The following CDC42BPA variants were observed in gnomAD, a reference collection of about 807,000 sequenced individuals.
The protein encoded by CDC42BPA is serine/threonine-protein kinase MRCK alpha.
A neutral mutation model predicts 223.5 loss-of-function variants in CDC42BPA; 80 were observed. That is an observed-to-expected ratio of 0.36 (90% CI 0.30 to 0.43). The LOEUF is 0.43. CDC42BPA is among the 20% of genes least tolerant of loss of function. CDC42BPA has a pLI of 1.00. For missense variants in CDC42BPA, 1,743 were observed against 2,099.9 expected, an observed-to-expected ratio of 0.83 and a Z score of 3.32; for synonymous variants, 694 against 718.6, an observed-to-expected ratio of 0.97 and a Z score of 0.55.
chr1:227,213,096 T>G, intron 3 of CDC42BPA, 40 bp downstream of exon 3: 1 of 978,576 alleles, frequency 1.0e-6, no homozygotes. Flanking sequence ...TGAAAAATAT[T>G]TCTAAAATAT....
intron 1 of CDC42BPA, among the ~76,000 whole-genome samples, chr1:227,313,736 CTTAA>C (rs1693908966): frequency 1.3e-5 from 2 of 149,272 alleles, no homozygotes; most frequent in African/African-American, 5.0e-5. Flanking sequence ...CAACACCTCA[CTTAA>C]TTAACACTCG....
intron 14 of CDC42BPA, among the ~76,000 whole-genome samples, chr1:227,109,356 A>G (rs777012749): frequency 1.3e-5 from 2 of 151,632 alleles, no homozygotes; most frequent in Non-Finnish European, 2.9e-5. Context: ...CACATTGTAC[A>G]GATGTACAAA....
intron 31 of CDC42BPA, among the ~76,000 whole-genome samples, chr1:227,024,469 A>C (rs1667896724): frequency 6.6e-6 from 1 of 152,178 alleles, no homozygotes; most frequent in African/African-American, 2.4e-5. Context: ...ATATGACTCA[A>C]ACTCCTGAAA....
chr1:227,184,206 C>A (rs1285923786), intron 5 of CDC42BPA, among the ~76,000 whole-genome samples: 4 of 151,962 alleles, frequency 2.6e-5, no homozygotes, highest in African/African-American at 9.6e-5. Flanking sequence ...TAATGAAGTC[C>A]CATTTATTCA....
At chr1:227,315,409 T>C (rs1694211610) in intron 1 of CDC42BPA, among the ~76,000 whole-genome samples, 1 of 152,088 alleles carries the variant, frequency 6.6e-6, no homozygotes, top group African/African-American at 2.4e-5. Context: ...TTTCTCTTTA[T>C]CATAAATCAT....
intron 1 of CDC42BPA, among the ~76,000 whole-genome samples, chr1:227,315,432 TTAC>T (rs1401372152): frequency 1.3e-5 from 2 of 152,022 alleles, no homozygotes; most frequent in East Asian, 3.8e-4. Context: ...AAAATTATAT[TTAC>T]TACTGGTACA....
chr1:227,284,640 G>A (rs1688528609), intron 1 of CDC42BPA, among the ~76,000 whole-genome samples: 1 of 152,078 alleles, frequency 6.6e-6, no homozygotes, highest in South Asian at 2.1e-4. Context: ...TCTCTTGCTG[G>A]AAACCCAAGT....
intron 28 of CDC42BPA, among the ~76,000 whole-genome samples, chr1:227,030,733 G>A (rs1669125559): frequency 6.6e-6 from 1 of 152,092 alleles, no homozygotes; most frequent in Non-Finnish European, 1.5e-5. Flanking sequence ...AACCTAAGTT[G>A]TTCTACACTT....
At chr1:227,012,935 T>C (rs901340423) in intron 34 of CDC42BPA, among the ~76,000 whole-genome samples, 3 of 152,086 alleles carry the variant, frequency 2.0e-5, no homozygotes, top group Admixed American at 6.6e-5. Context: ...CAATAAATAT[T>C]TGTTAGATGA....
intron 6 of CDC42BPA, among the ~76,000 whole-genome samples, chr1:227,151,993 AGCC>A (rs1215064144): frequency 6.6e-6 from 1 of 151,892 alleles, no homozygotes; most frequent in Non-Finnish European, 1.5e-5. Flanking sequence ...CACTGACACC[AGCC>A]TAGGCGACAG....
intron 16 of CDC42BPA, among the ~76,000 whole-genome samples, chr1:227,084,379 T>C (rs1191581853): frequency 6.6e-6 from 1 of 151,824 alleles, no homozygotes; most frequent in African/African-American, 2.4e-5. Flanking sequence ...AATAAAAAAA[T>C]TAGATGGGTG....
At chr1:227,056,161 C>T (rs1042234292) in intron 21 of CDC42BPA, among the ~76,000 whole-genome samples, 13 of 152,114 alleles carry the variant, frequency 8.5e-5, no homozygotes, top group Non-Finnish European at 4.4e-5. Flanking sequence ...ACTAAAACCA[C>T]TCATCTTGAA....
chr1:227,020,139 G>A (rs1046880119), intron 32 of CDC42BPA, among the ~76,000 whole-genome samples: 3 of 152,054 alleles, frequency 2.0e-5, no homozygotes, highest in African/African-American at 4.8e-5. Context: ...CAGGTGATCT[G>A]CCTGCCTCAG....
chr1:227,161,905 T>C (rs1663978006), intron 5 of CDC42BPA, among the ~76,000 whole-genome samples: 1 of 152,206 alleles, frequency 6.6e-6, no homozygotes, highest in African/African-American at 2.4e-5. Context: ...GTATAGGGTA[T>C]TAGCTTTATA....
intron 24 of CDC42BPA, among the ~76,000 whole-genome samples, chr1:227,037,836 ATAC>A (rs1670559828): frequency 6.6e-6 from 1 of 152,258 alleles, no homozygotes; most frequent in Admixed American, 6.5e-5. Flanking sequence ...AAATAAATGC[ATAC>A]TAACTTGTTA....
intron 21 of CDC42BPA, among the ~76,000 whole-genome samples, chr1:227,060,579 C>T (rs1285038455): frequency 6.6e-6 from 1 of 151,754 alleles, no homozygotes; most frequent in East Asian, 1.9e-4. Context: ...TCTTGGGGAC[C>T]TAGAGGAGGG....
intron 15 of CDC42BPA, among the ~76,000 whole-genome samples, chr1:227,096,327 T>C (rs954345966): frequency 1.3e-5 from 2 of 152,202 alleles, no homozygotes; most frequent in African/African-American, 2.4e-5. Context: ...ACCATTCTTT[T>C]TCCTGTTAGC....
At chr1:227,205,284 ATATAT>A (rs371943858) in intron 3 of CDC42BPA, among the ~76,000 whole-genome samples, 11,295 of 86,526 alleles carry the variant, frequency 0.13, 679 homozygotes, top group South Asian at 0.2. Flanking sequence ...AAAAAAAAAA[ATATAT>A]ATATATATAT....
At chr1:227,161,880 T>A (rs923012292) in intron 5 of CDC42BPA, among the ~76,000 whole-genome samples, 13 of 152,174 alleles carry the variant, frequency 8.5e-5, no homozygotes, top group African/African-American at 3.1e-4. Flanking sequence ...ACAGGGTGAT[T>A]GAAAACAACA....
Sources: gnomAD v4.1 joint callset for allele counts (sites outside exome capture counted in the v4.1 genomes callset) on GRCh38, gnomAD v4.1.1 for gene constraint, MANE v1.5 for transcripts, NCBI Gene and HGNC (gene_info 2026-07-23, HGNC 2026-07-21) for gene names.